CA3: variants seen among roughly 807,000 people sequenced by gnomAD.
The protein encoded by CA3 is CA-III.
Under a neutral mutation model 35.7 loss-of-function variants are expected in CA3, and 30 were observed. The ratio of observed to expected loss-of-function variants is 0.84; its 90% CI spans 0.63 to 1.14. The LOEUF is 1.14. Among genes scored for constraint, CA3 ranks in the 50% most tolerant of loss-of-function variants. The pLI, the probability that CA3 is intolerant of heterozygous loss-of-function variation, is 0.00. For synonymous variants in CA3, 131 were observed against 130.8 expected (o/e 1.00, Z -0.01); for missense variants, 295 against 328.5 (o/e 0.90, Z 0.79).
intron 6 of CA3, 66 bp downstream of exon 6, chr8:85,446,363 T>C: frequency 6.5e-7 from 1 of 1,530,898 alleles, no homozygotes; most frequent in Non-Finnish European, 8.9e-7. Flanking sequence ...AGATGCTAAA[T>C]CAAAAATACA....
At chr8:85,444,359 G>A (rs530652202) in intron 4 of CA3, among the ~76,000 whole-genome samples, 27 of 145,850 alleles carry the variant, frequency 1.9e-4, no homozygotes, top group African/African-American at 6.3e-4. Flanking sequence ...ATTTTCCCCA[G>A]ATGTGGGAGG....
intron 4 of CA3, 80 bp from the exon 5 acceptor site, chr8:85,445,076 T>C (rs1811264177): frequency 1.2e-6 from 1 of 865,208 alleles, no homozygotes; most frequent in Non-Finnish European, 1.9e-6. Flanking sequence ...TGCAGATGGA[T>C]GGATCAAAAT....
At chr8:85,446,072 G>C in intron 5 of CA3, 70 bp from the exon 6 acceptor site, 3 of 1,318,126 alleles carry the variant, frequency 2.3e-6, no homozygotes, top group Non-Finnish European at 3.1e-6. Flanking sequence ...AAATAAAGTG[G>C]TGAGGGCATT....
Position 85,448,025 on chromosome 8 carries a change from C to A in CA3, c.664-9C>A, listed in dbSNP as rs1811316668. 1.9e-6 allele frequency: 3 copies of A among 1,609,626 alleles called. No homozygotes were observed. ...TGTCTTGTTAACAGTCTGCCCCTGC[C>A]CTTTGCAGATGGCCAAGCTGCGGAG... On this transcript the variant is annotated splice_polypyrimidine_tract_variant and intron_variant, in intron 6 of 6. Coordinates refer to ENST00000285381, the MANE Select transcript of CA3 (RefSeq NM_005181.4).
chr8:85,445,649 A>G (rs1365199271), intron 5 of CA3, among the ~76,000 whole-genome samples: 4 of 152,156 alleles, frequency 2.6e-5, no homozygotes, highest in African/African-American at 9.7e-5. Flanking sequence ...AAAATTTAAA[A>G]TCTTCACAAT....
At position 85,446,233 on chromosome 8, in the gene CA3, C is replaced by A. The variant is rs1279845599; in HGVS notation, c.599C>A (p.Pro200Gln). The A allele has an allele frequency of 8.7e-6, 14 of 1,614,050 alleles. No homozygotes were observed. Among genetic ancestry groups the A allele is most frequent in the Non-Finnish European group, 9.3e-6 (11 of 1,180,028 alleles). Residue 200 changes from proline (P) to glutamine (Q), a missense_variant, in exon 6 of 7, where the codon CCG becomes CAG. Transcript: ENST00000285381. The stretch of plus-strand genomic sequence containing the variant: ...ACCTACCAGGGCTCATTCACCACGC[C>A]GCCCTGCGAGGAATGCATTGTGTGG... ...YWTYQGSFTT[P>Q]PCEECIVWLL...
Position 85,446,218 on chromosome 8 carries a change from G to T in CA3, c.584G>T (p.Gly195Val). ...PACRDYWTYQ[G>V]SFTTPPCEEC... Reference sequence around the variant, plus strand: ...TGCCGGGACTACTGGACCTACCAGGGCTCATTCACCACGCCGCCCTGCGAG... The same window carrying T: ...TGCCGGGACTACTGGACCTACCAGGTCTCATTCACCACGCCGCCCTGCGAG... The change falls in exon 6 of 7, where the codon GGC (glycine) becomes GTC (valine). Residue 195 changes from glycine to valine, a missense_variant. Coordinates refer to ENST00000285381, the MANE Select transcript of CA3 (RefSeq NM_005181.4). 1 of 1,614,118 alleles carries T rather than the reference G, an allele frequency of 6.2e-7. No individual in the cohort carries two copies. The highest frequency in any genetic ancestry group is 8.5e-7 in the Non-Finnish European group (1 of 1,179,968).
chr8:85,439,070 T>G (rs1198019910), intron 1 of CA3, 127 bp downstream of exon 1: 1 of 909,180 alleles, frequency 1.1e-6, no homozygotes, highest in Non-Finnish European at 1.7e-6. Flanking sequence ...GACCTAACAT[T>G]TACTGAGGCT....
chr8:85,448,023 G>A lies in CA3; in HGVS notation c.664-11G>A, dbSNP rs563072489. The A allele has an allele frequency of 3.5e-5, 56 of 1,609,810 alleles. 1 individual carries two copies. The South Asian group carries it at 6.1e-4, about 18-fold the overall frequency. ...AATGTCTTGTTAACAGTCTGCCCCTGCCCTTTGCAGATGGCCAAGCTGCGG... is the reference window on the plus strand; with the variant it reads ...AATGTCTTGTTAACAGTCTGCCCCTACCCTTTGCAGATGGCCAAGCTGCGG... On this transcript the variant is annotated splice_polypyrimidine_tract_variant and intron_variant, in intron 6 of 6. Coordinates refer to ENST00000285381, the MANE Select transcript of CA3 (RefSeq NM_005181.4).
intron 4 of CA3, 144 bp from the exon 5 acceptor site, chr8:85,445,012 A>G: frequency 1.9e-6 from 1 of 534,116 alleles, no homozygotes; most frequent in South Asian, 3.3e-5. Context: ...GAGGAAAAAT[A>G]AACTTATGTT....
intron 4 of CA3, among the ~76,000 whole-genome samples, chr8:85,444,678 A>G (rs568947664): frequency 2.6e-5 from 4 of 152,304 alleles, no homozygotes; most frequent in African/African-American, 9.6e-5. Flanking sequence ...TGGTAACATA[A>G]TCTAGATTTC....
At position 85,445,791 on chromosome 8, in the gene CA3, T is replaced by A. The variant is rs539290665; in HGVS notation, c.508-351T>A. 2.0e-5 allele frequency among the ~76,000 whole-genome samples: 3 copies of A among 152,300 alleles called. No individual in the cohort carries two copies. In the South Asian group the frequency reaches 6.2e-4, roughly 32 times the overall value. ...ATTCAATAAAAATACAAGCCTGATA[T>A]TTTTTGGTATCATCAAGAACAAAAC... On this transcript the variant is annotated intron_variant, in intron 5 of 6. Coordinates refer to ENST00000285381, the MANE Select transcript of CA3 (RefSeq NM_005181.4).
chr8:85,445,156 A>G lies in CA3; in HGVS notation c.445A>G (p.Ile149Val), dbSNP rs1199044800. 6.3e-7 allele frequency: 1 copy of G among 1,596,672 alleles called. No individual in the cohort carries two copies. The highest frequency in any genetic ancestry group is 8.6e-7 in the Non-Finnish European group (1 of 1,167,812). Residue 149 changes from isoleucine (I) to valine (V), a missense_variant and splice_region_variant, in exon 5 of 7, where the codon ATA becomes GTA. By Grantham distance (29) the Ile-to-Val change is conservative. Coordinates refer to ENST00000285381, the MANE Select transcript of CA3 (RefSeq NM_005181.4). ...GIAVIGIFLKIGHENGEFQIF... is the reference protein window; with the variant it reads ...GIAVIGIFLKVGHENGEFQIF... ...TACTTGGATTTCTGTTTTCTTACAGATAGGACATGAGAATGGCGAGTTCCA... is the reference window on the plus strand; with the variant it reads ...TACTTGGATTTCTGTTTTCTTACAGGTAGGACATGAGAATGGCGAGTTCCA...
chr8:85,446,318 G>A (rs373481075), intron 6 of CA3, 21 bp downstream of exon 6: 12 of 1,599,908 alleles, frequency 7.5e-6, no homozygotes, highest in African/African-American at 1.3e-5. Context: ...TTGTGAACAC[G>A]TGGGCTTATG....
At chr8:85,445,451 C>T (rs1384555842) in intron 5 of CA3, among the ~76,000 whole-genome samples, 7 of 151,796 alleles carry the variant, frequency 4.6e-5, no homozygotes, top group African/African-American at 1.7e-4. Context: ...ATCACTTTCT[C>T]AATGGAGTAA....
At chr8:85,440,354 T>C (rs576234852) in intron 2 of CA3, among the ~76,000 whole-genome samples, 2 of 152,332 alleles carry the variant, frequency 1.3e-5, no homozygotes, top group South Asian at 4.1e-4. Flanking sequence ...TTTCTTCCCT[T>C]GGTGCCTGGG....
At position 85,447,669 on chromosome 8, in the gene CA3, G is replaced by A. The variant is rs370130896; in HGVS notation, c.664-365G>A. Among the ~76,000 whole-genome samples, 22 of 152,330 alleles carry A rather than the reference G, an allele frequency of 1.4e-4. No homozygotes were observed. The South Asian group carries it at 2.5e-3, about 17-fold the overall frequency. On this transcript the variant is annotated intron_variant, in intron 6 of 6. Transcript: ENST00000285381. ...TCCCAGTACTTTGGGGGTCCAAGGC[G>A]GGTGGATGACCTGAGGTCAGGAGTT...
chr8:85,444,094 G>C lies in CA3; in HGVS notation c.412G>C (p.Asp138His). 6.2e-7 allele frequency: 1 copy of C among 1,613,472 alleles called. No individual in the cohort carries two copies. The highest frequency in any genetic ancestry group is 8.5e-7 in the Non-Finnish European group (1 of 1,179,394). ...NTFKEALKQR[D>H]GIAVIGIFLK... is the part of the protein sequence containing the mutation. ...TTTTAAAGAAGCCCTGAAGCAGCGC[G>C]ATGGGATCGCTGTGATTGGCATTTT... The change falls in exon 4 of 7, where the codon GAT (aspartate) becomes CAT (histidine). Residue 138 changes from aspartate (D) to histidine (H), a missense_variant. Physicochemically the swap from Asp to His is moderately conservative, Grantham distance 81. Transcript: ENST00000285381.
In CA3 at chr8:85,446,526, C is replaced by T. The variant is rs576324056; in HGVS notation, c.663+229C>T. Among the ~76,000 whole-genome samples, 226 of 152,196 alleles carry T rather than the reference C, an allele frequency of 1.5e-3. 2 individuals carry two copies. The highest frequency in any genetic ancestry group is 2.4e-3 in the Non-Finnish European group (164 of 68,006). On this transcript the variant is annotated intron_variant, in intron 6 of 6. Coordinates refer to ENST00000285381, the MANE Select transcript of CA3 (RefSeq NM_005181.4). Reference sequence around the variant, plus strand: ...ACTCATTTAAAAGTAGTTTTGATACCGAACATGACTGAGTTTATGCTCTAT... The same window carrying T: ...ACTCATTTAAAAGTAGTTTTGATACTGAACATGACTGAGTTTATGCTCTAT...
Sources: gnomAD v4.1 joint callset for allele counts (sites outside exome capture counted in the v4.1 genomes callset) on GRCh38, gnomAD v4.1.1 for gene constraint, MANE v1.5 for transcripts, NCBI Gene and HGNC (gene_info 2026-07-23, HGNC 2026-07-21) for gene names.